BEND7: variants seen among roughly 807,000 people sequenced by gnomAD.
BEND7 encodes the protein BEN domain-containing protein 7.
A neutral mutation model predicts 50.9 loss-of-function variants in BEND7; 28 were observed. The observed-to-expected ratio is 0.55, with a 90% CI of 0.41 to 0.75. The LOEUF (loss-of-function observed/expected upper bound fraction) is 0.75. BEND7 is among the 30% of genes least tolerant of loss of function. The probability of loss-of-function intolerance (pLI) is 0.00; values close to 1 mark genes in which losing one functional copy is unlikely to be tolerated. For synonymous variants in BEND7, 170 were observed against 183.9 expected (o/e 0.92, Z 0.61); for missense variants, 477 against 491.3 (o/e 0.97, Z 0.28).
intron 8 of BEND7, 117 bp downstream of exon 8, chr10:13,447,149 G>T: frequency 1.0e-6 from 1 of 995,664 alleles, no homozygotes; most frequent in Non-Finnish European, 1.5e-6. Context: ...CTGGTCCACT[G>T]CAGAAGCAGT....
intron 2 of BEND7, among the ~76,000 whole-genome samples, chr10:13,509,824 C>G (rs768627112): frequency 7.9e-5 from 12 of 152,206 alleles, no homozygotes; most frequent in Non-Finnish European, 1.6e-4. Context: ...GACCCTGACA[C>G]TTTGACTTCA....
At chr10:13,461,111 G>A (rs573373374) in intron 6 of BEND7, among the ~76,000 whole-genome samples, 4 of 152,288 alleles carry the variant, frequency 2.6e-5, no homozygotes, top group Non-Finnish European at 4.4e-5. Flanking sequence ...AGTGATGGCT[G>A]AGCTGAAACC....
intron 5 of BEND7, among the ~76,000 whole-genome samples, chr10:13,482,767 T>C (rs919468399): frequency 6.6e-5 from 10 of 152,234 alleles, no homozygotes; most frequent in Admixed American, 2.0e-4. Context: ...AACTTCTGCA[T>C]CTTGCTGCTT....
chr10:13,452,370 T>C (rs1837932359), intron 7 of BEND7, among the ~76,000 whole-genome samples, 169 bp downstream of exon 7: 1 of 150,636 alleles, frequency 6.6e-6, no homozygotes, highest in Admixed American at 6.7e-5. Flanking sequence ...TGAAGGTGAG[T>C]TTCAAAATTC....
intron 6 of BEND7, among the ~76,000 whole-genome samples, chr10:13,478,672 T>C (rs888505894): frequency 6.6e-6 from 1 of 152,196 alleles, no homozygotes; most frequent in Admixed American, 6.5e-5. Flanking sequence ...CATTTTAAAA[T>C]AAATATTATT....
chr10:13,525,860 C>T (rs1373671476), intron 2 of BEND7, among the ~76,000 whole-genome samples: 1 of 152,164 alleles, frequency 6.6e-6, no homozygotes, highest in Non-Finnish European at 1.5e-5. Context: ...ATGGGGTGAG[C>T]GCAGAGCCAC....
At position 13,448,900 on chromosome 10, in the gene BEND7, G is replaced by A. The variant is rs184471795; in HGVS notation, c.1184-1584C>T. On this transcript the variant is annotated intron_variant, in intron 7 of 8. Transcript: ENST00000466271. ...TGAGGCAGGAGAATGGTGTGAACCCGGGAGGCGGAGCTTGGTGAGCCGAGA... is the reference window on the plus strand; with the variant it reads ...TGAGGCAGGAGAATGGTGTGAACCCAGGAGGCGGAGCTTGGTGAGCCGAGA... 7.3e-5 allele frequency among the ~76,000 whole-genome samples: 11 copies of A among 151,712 alleles called. No homozygotes were observed. In the East Asian group the frequency reaches 7.8e-4, roughly 11 times the overall value.
chr10:13,518,698 T>C (rs929353953), intron 2 of BEND7, among the ~76,000 whole-genome samples: 27 of 152,336 alleles, frequency 1.8e-4, no homozygotes, highest in African/African-American at 6.3e-4. Flanking sequence ...CAAATCAACA[T>C]CAGAAATCCC....
intron 2 of BEND7, chr10:13,500,610 G>C (rs2077372438): frequency 1.0e-6 from 1 of 986,470 alleles, no homozygotes; most frequent in Non-Finnish European, 1.2e-6. Context: ...CAGGATGACT[G>C]GCAGGGATGC....
intron 7 of BEND7, among the ~76,000 whole-genome samples, chr10:13,450,120 G>C (rs527443243): frequency 1.3e-5 from 2 of 152,224 alleles, no homozygotes; most frequent in African/African-American, 4.8e-5. Flanking sequence ...ATTATTCCAT[G>C]TGACGACAGC....
At chr10:13,444,904 T>G (rs531332914) in intron 8 of BEND7, 2 of 152,306 alleles carry the variant, frequency 1.3e-5, no homozygotes, top group Admixed American at 1.3e-4. Flanking sequence ...AAGCTCCGCC[T>G]CCCAGGTTCA....
At chr10:13,528,102 G>C (rs1684747391) in intron 1 of BEND7, among the ~76,000 whole-genome samples, 1 of 152,014 alleles carries the variant, frequency 6.6e-6, no homozygotes, top group African/African-American at 2.4e-5. Context: ...GAAGACCCCA[G>C]AAAACAAAAA....
At chr10:13,440,509 T>C (rs1301767832), downstream of BEND7, among the ~76,000 whole-genome samples, 2 of 152,312 alleles carry the variant, frequency 1.3e-5, no homozygotes, top group African/African-American at 4.8e-5. Context: ...CCCAGGCCCC[T>C]GTAAAACCAG....
downstream of BEND7, chr10:13,438,691 T>C (rs1313336771): frequency 6.4e-6 from 1 of 156,808 alleles, no homozygotes; most frequent in Non-Finnish European, 1.4e-5. Flanking sequence ...TGCATCTCTT[T>C]GGTCGATCTA....
intron 6 of BEND7, among the ~76,000 whole-genome samples, chr10:13,470,229 C>T (rs2074674241): frequency 6.6e-6 from 1 of 152,196 alleles, no homozygotes; most frequent in African/African-American, 2.4e-5. Context: ...CATATGGAGC[C>T]ATTGTTCAGA....
intron 7 of BEND7, among the ~76,000 whole-genome samples, chr10:13,450,387 A>G (rs1199588409): frequency 6.6e-6 from 1 of 152,200 alleles, no homozygotes; most frequent in Non-Finnish European, 1.5e-5. Flanking sequence ...AATATTATTG[A>G]TCCAGACCTC....
intron 6 of BEND7, among the ~76,000 whole-genome samples, chr10:13,478,623 G>T (rs574509852): frequency 1.3e-5 from 2 of 152,190 alleles, no homozygotes; most frequent in African/African-American, 4.8e-5. Flanking sequence ...GGTGAGATTA[G>T]GGTGGCCTTT....
At chr10:13,463,067 C>T (rs1037229042) in intron 6 of BEND7, among the ~76,000 whole-genome samples, 7 of 152,168 alleles carry the variant, frequency 4.6e-5, no homozygotes, top group African/African-American at 9.7e-5. Flanking sequence ...AGGAAAATTT[C>T]GGAACAAAGA....
chr10:13,528,395 C>A (rs1215507179), intron 1 of BEND7, 78 bp downstream of exon 1: 6 of 674,216 alleles, frequency 8.9e-6, no homozygotes, highest in African/African-American at 5.9e-5. Context: ...GGAGGGCGCG[C>A]CCCCCAGCGT....
Sources: gnomAD v4.1 joint callset for allele counts (sites outside exome capture counted in the v4.1 genomes callset) on GRCh38, gnomAD v4.1.1 for gene constraint, MANE v1.5 for transcripts, NCBI Gene and HGNC (gene_info 2026-07-23, HGNC 2026-07-21) for gene names.